Variants in SMARCC1 observed in about 807,000 individuals in gnomAD.
SMARCC1 encodes the protein SWI/SNF complex subunit SMARCC1.
Under a neutral mutation model 147.4 loss-of-function variants are expected in SMARCC1, and 43 were observed. The ratio of observed to expected loss-of-function variants is 0.29; its 90% CI spans 0.23 to 0.38. SMARCC1 has a LOEUF of 0.38. SMARCC1 is among the 10% of genes least tolerant of loss of function. The probability of loss-of-function intolerance (pLI) is 1.00; values close to 1 mark genes in which losing one functional copy is unlikely to be tolerated. For missense variants in SMARCC1, 1,119 were observed against 1,381.1 expected, an observed-to-expected ratio of 0.81 and a Z score of 3.01; for synonymous variants, 495 against 484.4, an observed-to-expected ratio of 1.02 and a Z score of -0.29.
intron 26 of SMARCC1, among the ~76,000 whole-genome samples, chr3:47,605,925 G>A (rs1433591380): frequency 6.6e-6 from 1 of 151,898 alleles, no homozygotes; most frequent in Non-Finnish European, 1.5e-5. Context: ...GTATGATGAG[G>A]GCCTCTGTGT....
At chr3:47,602,464 ATTTT>A (rs908969849) in intron 26 of SMARCC1, among the ~76,000 whole-genome samples, 1 of 151,764 alleles carries the variant, frequency 6.6e-6, no homozygotes, top group Non-Finnish European at 1.5e-5. Flanking sequence ...CACCAAGCAA[ATTTT>A]TTTTATTTTT....
intron 3 of SMARCC1, among the ~76,000 whole-genome samples, chr3:47,744,005 G>A (rs1212701831): frequency 6.6e-6 from 1 of 151,984 alleles, no homozygotes; most frequent in East Asian, 1.9e-4. Context: ...TTAACAGTAG[G>A]GTACAAACCA....
intron 7 of SMARCC1, among the ~76,000 whole-genome samples, chr3:47,720,272 T>G (rs961814120): frequency 6.6e-6 from 1 of 151,798 alleles, no homozygotes; most frequent in Non-Finnish European, 1.5e-5. Flanking sequence ...TACAGGCACC[T>G]GCCACCACGT....
chr3:47,604,696 G>GTTTT (rs1559623721), intron 26 of SMARCC1: 2 of 28,060 alleles, frequency 7.1e-5, no homozygotes, highest in South Asian at 1.7e-3. Flanking sequence ...ATTTACTGTT[G>GTTTT]TTCTTTTTTT....
chr3:47,750,114 A>G (rs1174757651), intron 2 of SMARCC1, among the ~76,000 whole-genome samples: 2 of 151,446 alleles, frequency 1.3e-5, no homozygotes, highest in African/African-American at 2.4e-5. Context: ...ACGAGTCATT[A>G]TAATTCTGTA....
intron 26 of SMARCC1, among the ~76,000 whole-genome samples, chr3:47,597,167 AAGAG>A (rs941561591): frequency 1.3e-5 from 2 of 150,056 alleles, no homozygotes; most frequent in African/African-American, 4.9e-5. Context: ...AAAAAAAAAA[AAGAG>A]AGAGAGATGA....
At chr3:47,753,002 C>T (rs575321422) in intron 2 of SMARCC1, among the ~76,000 whole-genome samples, 55 of 152,042 alleles carry the variant, frequency 3.6e-4, no homozygotes, top group Non-Finnish European at 6.9e-4. Flanking sequence ...AGTGGTTTCA[C>T]CCTACTTATT....
At chr3:47,744,687 C>A (rs536838059) in intron 3 of SMARCC1, among the ~76,000 whole-genome samples, 1 of 152,138 alleles carries the variant, frequency 6.6e-6, no homozygotes, top group African/African-American at 2.4e-5. Context: ...TCCACTCCCC[C>A]AACCCTACCC....
chr3:47,594,732 C>G (rs2032242787), intron 26 of SMARCC1, among the ~76,000 whole-genome samples: 1 of 152,172 alleles, frequency 6.6e-6, no homozygotes. Flanking sequence ...AGGGATAGGA[C>G]TAATCCTAAA....
chr3:47,671,196 A>AAAAAAACAAC (rs753672169), intron 18 of SMARCC1, among the ~76,000 whole-genome samples: 31 of 81,204 alleles, frequency 3.8e-4, no homozygotes, highest in Non-Finnish European at 6.5e-4. Context: ...AAAAAAAAAA[A>AAAAAAACAAC]AACACACACA....
chr3:47,627,625 C>T (rs934183543), intron 24 of SMARCC1, among the ~76,000 whole-genome samples: 3 of 152,056 alleles, frequency 2.0e-5, no homozygotes, highest in Admixed American at 6.6e-5. Flanking sequence ...GCTCGAGGTG[C>T]GGCTATAAAG....
At chr3:47,588,433 G>A (rs1453577282) in intron 27 of SMARCC1, 127 bp from the exon 28 acceptor site, 2 of 778,516 alleles carry the variant, frequency 2.6e-6, no homozygotes, top group African/African-American at 1.7e-5. Context: ...CACCCTGTGA[G>A]GCATTGATTC....
chr3:47,707,116 A>G (rs1374878507), intron 9 of SMARCC1, among the ~76,000 whole-genome samples: 1 of 151,382 alleles, frequency 6.6e-6, no homozygotes, highest in African/African-American at 2.4e-5. Context: ...TTCAAGACCA[A>G]CCTCTCCAAC....
chr3:47,662,669 C>A, intron 19 of SMARCC1, 77 bp from the exon 20 acceptor site: 1 of 1,216,774 alleles, frequency 8.2e-7, no homozygotes, highest in Non-Finnish European at 1.2e-6. Flanking sequence ...CTTTAGATAG[C>A]TTTTTTAAAA....
intron 5 of SMARCC1, among the ~76,000 whole-genome samples, chr3:47,732,937 G>A (rs375200418): frequency 4.6e-5 from 7 of 151,616 alleles, no homozygotes; most frequent in African/African-American, 1.2e-4. Context: ...GTGAAACCCC[G>A]TCTCTACTAA....
intron 27 of SMARCC1, 65 bp from the exon 28 acceptor site, chr3:47,588,371 T>C (rs2032112292): frequency 6.8e-7 from 1 of 1,480,374 alleles, no homozygotes. Flanking sequence ...AAAGAGCCTA[T>C]TCAGTGAAAA....
chr3:47,716,958 G>A (rs1038677360), intron 7 of SMARCC1, among the ~76,000 whole-genome samples: 4 of 152,118 alleles, frequency 2.6e-5, no homozygotes, highest in African/African-American at 4.8e-5. Flanking sequence ...TAATCCTTAG[G>A]GGAGGGGAAG....
chr3:47,651,473 C>T (rs1045801877), intron 21 of SMARCC1, among the ~76,000 whole-genome samples: 1 of 152,168 alleles, frequency 6.6e-6, no homozygotes, highest in Non-Finnish European at 1.5e-5. Flanking sequence ...CATGAGCCTC[C>T]TTGCTGTTCT....
At chr3:47,600,960 C>T (rs1376147635) in intron 26 of SMARCC1, among the ~76,000 whole-genome samples, 1 of 126,768 alleles carries the variant, frequency 7.9e-6, no homozygotes, top group African/African-American at 3.1e-5. Context: ...AAAAAAAAAT[C>T]AGGTATTTTT....
Sources: allele counts gnomAD v4.1 joint callset (sites outside exome capture counted in the v4.1 genomes callset), GRCh38; gene constraint gnomAD v4.1.1; transcripts MANE v1.5; gene names NCBI Gene and HGNC (gene_info 2026-07-23, HGNC 2026-07-21).